Variants in SH3RF3 observed in about 807,000 individuals in gnomAD.
SH3RF3 encodes SH3 domain containing ring finger 3.
A neutral mutation model predicts 66.3 loss-of-function variants in SH3RF3; 29 were observed. The observed-to-expected ratio is 0.44, with a 90% confidence interval of 0.33 to 0.60. SH3RF3 has a LOEUF of 0.60. Among genes scored for constraint, SH3RF3 ranks in the 20% least tolerant of loss-of-function variants. SH3RF3 has a pLI of 0.04. For synonymous variants in SH3RF3, 583 were observed against 532.0 expected (o/e 1.10, Z -1.32); for missense variants, 1,194 against 1,190.9 (o/e 1.00, Z -0.04).
At chr2:109,216,837 G>A (rs1679111278) in intron 1 of SH3RF3, among the ~76,000 whole-genome samples, 1 of 152,194 alleles carries the variant, frequency 6.6e-6, no homozygotes, top group African/African-American at 2.4e-5. Flanking sequence ...AAACAGTTCA[G>A]TGGCATTAAG....
rs1347210616 is a variant in SH3RF3, at chr2:109,129,446, C to T, written c.-95C>T. 6 of 1,490,770 alleles carry T rather than the reference C, an allele frequency of 4.0e-6. No homozygotes were observed. The highest frequency in any genetic ancestry group is 2.1e-5 in the Admixed American group (1 of 48,370). The allele number at this position is 1,490,770 out of a possible 1,614,324, so 92.3% of individuals were successfully genotyped here. A position where few individuals can be genotyped will look rare whatever the true frequency, so the allele number is the denominator to read the frequency against. Reference sequence around the variant, plus strand: ...GGGTGAAGAAAGTCACGGCGGAGCCCGGCTCCCCAGTCCTGATGCTGGCTG... The same window carrying T: ...GGGTGAAGAAAGTCACGGCGGAGCCTGGCTCCCCAGTCCTGATGCTGGCTG... On this transcript the variant is annotated 5_prime_UTR_variant, in exon 1 of 10. Coordinates refer to ENST00000309415, the MANE Select transcript of SH3RF3 (RefSeq NM_001099289.3).
intron 1 of SH3RF3, among the ~76,000 whole-genome samples, chr2:109,339,854 C>T (rs1682518472): frequency 6.6e-6 from 1 of 152,170 alleles, no homozygotes; most frequent in South Asian, 2.1e-4. Flanking sequence ...ATGACTGACC[C>T]ACAGCTGCCC....
intron 1 of SH3RF3, among the ~76,000 whole-genome samples, chr2:109,318,783 A>G (rs890853919): frequency 1.3e-5 from 2 of 152,232 alleles, no homozygotes; most frequent in Non-Finnish European, 2.9e-5. Context: ...ATGAAAGCCC[A>G]GCCCTGACGA....
At chr2:109,408,634 A>G (rs4405797) in intron 4 of SH3RF3, among the ~76,000 whole-genome samples, 150,723 of 152,368 alleles carry the variant, frequency 0.99, 74,548 homozygotes, top group Middle Eastern at 1. Context: ...TGTACAGGCA[A>G]TGCCCCGCAC....
chr2:109,133,946 C>T (rs960903396), intron 1 of SH3RF3, among the ~76,000 whole-genome samples: 23 of 151,968 alleles, frequency 1.5e-4, no homozygotes, highest in African/African-American at 4.4e-4. Context: ...TTACAGAGGA[C>T]GTGGAATGTT....
At chr2:109,251,154 C>T (rs997861653) in intron 1 of SH3RF3, among the ~76,000 whole-genome samples, 4 of 151,994 alleles carry the variant, frequency 2.6e-5, no homozygotes, top group African/African-American at 9.7e-5. Context: ...AGGCATCTGC[C>T]ACCATGCCTG....
chr2:109,245,534 T>A lies in SH3RF3; in HGVS notation c.574-102140T>A, dbSNP rs548096537. On this transcript the variant is annotated intron_variant, in intron 1 of 9. Coordinates refer to ENST00000309415, the MANE Select transcript of SH3RF3 (RefSeq NM_001099289.3). ...AGAAATAAAAAGTAAATTAAGTTTT[T>A]ATTTTTATTGGACAAACTGCACCTC... Among the ~76,000 whole-genome samples, 165 of 152,362 alleles carry A rather than the reference T, an allele frequency of 1.1e-3. 1 individual carries two copies. Among genetic ancestry groups the A allele is most frequent in the African/African-American group, 3.8e-3 (156 of 41,590 alleles).
intron 1 of SH3RF3, among the ~76,000 whole-genome samples, chr2:109,286,128 G>C (rs1162392052): frequency 6.6e-6 from 1 of 152,152 alleles, no homozygotes; most frequent in Non-Finnish European, 1.5e-5. Flanking sequence ...CTGCAGGCCT[G>C]GTGCTTTGTA....
chr2:109,316,155 T>C (rs1315975447), intron 1 of SH3RF3, among the ~76,000 whole-genome samples: 1 of 152,144 alleles, frequency 6.6e-6, no homozygotes, highest in African/African-American at 2.4e-5. Context: ...GGAGGAGGTG[T>C]TCAGAGCTGG....
At chr2:109,184,298 A>G (rs1016315223) in intron 1 of SH3RF3, among the ~76,000 whole-genome samples, 1 of 152,166 alleles carries the variant, frequency 6.6e-6, no homozygotes, top group African/African-American at 2.4e-5. Flanking sequence ...CCTTACTTCA[A>G]ATGACCAAGT....
intron 2 of SH3RF3, among the ~76,000 whole-genome samples, chr2:109,355,090 C>T (rs1168679973): frequency 6.6e-6 from 1 of 152,208 alleles, no homozygotes; most frequent in African/African-American, 2.4e-5. Context: ...AGGAGAGCCA[C>T]TGCCATATGG....
chr2:109,472,104 G>T (rs1283588260), intron 8 of SH3RF3, among the ~76,000 whole-genome samples: 1 of 152,194 alleles, frequency 6.6e-6, no homozygotes, highest in African/African-American at 2.4e-5. Flanking sequence ...TAATTAGATT[G>T]TTAATTATTA....
chr2:109,198,449 A>G, intron 1 of SH3RF3, among the ~76,000 whole-genome samples: 1 of 152,234 alleles, frequency 6.6e-6, no homozygotes, highest in African/African-American at 2.4e-5. Context: ...CCTGCCCAGC[A>G]CAGATTGGAG....
intron 3 of SH3RF3, among the ~76,000 whole-genome samples, chr2:109,377,002 T>C (rs1262649461): frequency 6.6e-6 from 1 of 152,250 alleles, no homozygotes; most frequent in Non-Finnish European, 1.5e-5. Context: ...CAGACAGGTC[T>C]GCTTAGGAAG....
chr2:109,404,776 G>A (rs931095120), intron 4 of SH3RF3, among the ~76,000 whole-genome samples: 9 of 152,116 alleles, frequency 5.9e-5, no homozygotes, highest in East Asian at 3.9e-4. Context: ...TCTGCAGTCC[G>A]ATCTTGCCCA....
intron 1 of SH3RF3, among the ~76,000 whole-genome samples, chr2:109,264,009 T>C (rs1207820015): frequency 6.6e-6 from 1 of 152,214 alleles, no homozygotes; most frequent in Non-Finnish European, 1.5e-5. Context: ...AGTCATTCCC[T>C]GGTCAGGACA....
At chr2:109,453,406 A>G (rs1255234713) in intron 8 of SH3RF3, among the ~76,000 whole-genome samples, 1 of 152,226 alleles carries the variant, frequency 6.6e-6, no homozygotes, top group African/African-American at 2.4e-5. Context: ...TGAAACAACC[A>G]TGGAACACTG....
At chr2:109,256,922 G>A (rs1006626665) in intron 1 of SH3RF3, among the ~76,000 whole-genome samples, 4 of 152,166 alleles carry the variant, frequency 2.6e-5, no homozygotes, top group African/African-American at 9.7e-5. Context: ...TTCATGAACG[G>A]TGGTGGATGG....
At chr2:109,373,513 G>A (rs555984888) in intron 3 of SH3RF3, among the ~76,000 whole-genome samples, 2 of 152,332 alleles carry the variant, frequency 1.3e-5, no homozygotes, top group African/African-American at 4.8e-5. Context: ...AAGGGCATAG[G>A]CAAATCTCCA....
Sources: gnomAD v4.1 joint callset for allele counts (sites outside exome capture counted in the v4.1 genomes callset) on GRCh38, gnomAD v4.1.1 for gene constraint, MANE v1.5 for transcripts, NCBI Gene and HGNC (gene_info 2026-07-23, HGNC 2026-07-21) for gene names.